Variants in CBLN2 observed in about 807,000 individuals in gnomAD.
CBLN2 encodes the protein cerebellin-2.
A neutral mutation model predicts 15.0 loss-of-function variants in CBLN2; 7 were observed. The ratio of observed to expected loss-of-function variants is 0.47; its 90% CI spans 0.27 to 0.88. The LOEUF (loss-of-function observed/expected upper bound fraction) is 0.88. CBLN2 is among the 40% of genes least tolerant of loss of function. The pLI is 0.14. For missense variants in CBLN2, 242 were observed against 304.5 expected (o/e 0.79, Z 1.53); for synonymous variants, 149 against 135.2 (o/e 1.10, Z -0.71).
chr18:72,555,447 C>T (rs564301942), intron 1 of CBLN2, among the ~76,000 whole-genome samples: 5 of 149,664 alleles, frequency 3.3e-5, no homozygotes, highest in African/African-American at 9.8e-5. Flanking sequence ...TGTGTGTGGG[C>T]GTGTGTGTGT....
intron 1 of CBLN2, among the ~76,000 whole-genome samples, chr18:72,608,391 T>C (rs560386701): frequency 2.6e-5 from 4 of 152,322 alleles, no homozygotes; most frequent in Non-Finnish European, 5.9e-5. Flanking sequence ...CTCACATCGT[T>C]GGCTTCTTTC....
chr18:72,600,827 A>T (rs2069543091), intron 1 of CBLN2, among the ~76,000 whole-genome samples: 1 of 152,174 alleles, frequency 6.6e-6, no homozygotes, highest in South Asian at 2.1e-4. Context: ...TTGGTTGGGA[A>T]TGAAATCATA....
intron 1 of CBLN2, among the ~76,000 whole-genome samples, chr18:72,629,775 T>C (rs945265285): frequency 6.6e-6 from 1 of 152,146 alleles, no homozygotes; most frequent in African/African-American, 2.4e-5. Context: ...GATGGTAACT[T>C]TATTTAAAGA....
chr18:72,548,335 TC>T (rs1035941988), upstream of CBLN2, among the ~76,000 whole-genome samples: 174 of 152,340 alleles, frequency 1.1e-3, no homozygotes, highest in African/African-American at 3.9e-3. Flanking sequence ...TTTTGTTGTT[TC>T]CAAAACTATT....
chr18:72,620,458 C>G (rs1038516074), intron 1 of CBLN2: 12 of 152,200 alleles, frequency 7.9e-5, no homozygotes, highest in African/African-American at 2.9e-4. Context: ...TCTGGCAGGA[C>G]TCTTCTTTGA....
chr18:72,631,162 T>A (rs1035474852), intron 1 of CBLN2: 3 of 152,230 alleles, frequency 2.0e-5, no homozygotes, highest in Non-Finnish European at 2.9e-5. Flanking sequence ...ATTCTTTTTT[T>A]AATGGGCATT....
At chr18:72,625,893 T>C (rs2144972839) in intron 1 of CBLN2, among the ~76,000 whole-genome samples, 1 of 148,372 alleles carries the variant, frequency 6.7e-6, no homozygotes, top group South Asian at 2.2e-4. Flanking sequence ...GCTGAAGATG[T>C]TCTTATACTA....
chr18:72,619,120 GC>G (rs2069682748), intron 1 of CBLN2: 5 of 744,184 alleles, frequency 6.7e-6, no homozygotes, highest in Non-Finnish European at 1.2e-5. Context: ...AGAAGCTCTG[GC>G]CCCTATGGTG....
chr18:72,569,694 T>C (rs4892014), intron 1 of CBLN2, among the ~76,000 whole-genome samples: 137,632 of 152,058 alleles, frequency 0.91, 62,446 homozygotes, highest in Middle Eastern at 0.97. Flanking sequence ...GAGCAGGTGC[T>C]ACACTCCTTT....
In CBLN2 at chr18:72,541,987, G is replaced by T. The variant is rs147271328; in HGVS notation, c.174C>A (p.Ile58=). 390 of 1,605,486 alleles carry T rather than the reference G, an allele frequency of 2.4e-4. 2 individuals are homozygous for T. The African/African-American group carries it at 4.7e-3, about 19-fold the overall frequency. The stretch of plus-strand genomic sequence containing the variant: ...CCACCAGGCACTTGCCCTCCAGCAC[G>T]ATGGGCTCCGTGTCGTTCTGCGCCC... ...PVRAQNDTEP[I]VLEGKCLVVC... is the part of the protein sequence containing the mutation. The change falls in exon 3 of 5, where the codon ATC becomes ATA. Residue 58 remains isoleucine (I), a synonymous_variant. Coordinates refer to ENST00000269503, the MANE Select transcript of CBLN2 (RefSeq NM_182511.4).
At chr18:72,553,511 G>T (rs1401416995) in intron 1 of CBLN2, among the ~76,000 whole-genome samples, 1 of 150,904 alleles carries the variant, frequency 6.6e-6, no homozygotes, top group Non-Finnish European at 1.5e-5. Flanking sequence ...TATGAAAACA[G>T]ATTATACGTG....
intron 2 of CBLN2, 67 bp from the exon 3 acceptor site, chr18:72,542,393 G>A: frequency 4.1e-6 from 1 of 246,146 alleles, no homozygotes; most frequent in Non-Finnish European, 7.5e-6. Flanking sequence ...GGGGGACTGG[G>A]AGCAGGTGCC....
intron 1 of CBLN2, among the ~76,000 whole-genome samples, chr18:72,601,036 G>A (rs1412108689): frequency 2.0e-5 from 3 of 152,148 alleles, no homozygotes; most frequent in Admixed American, 2.0e-4. Context: ...CACGTATCTC[G>A]TGACCTCTGT....
chr18:72,619,114 G>T (rs2069682675), intron 1 of CBLN2: 2 of 745,136 alleles, frequency 2.7e-6, no homozygotes, highest in South Asian at 1.3e-5. Context: ...GGAGGCAGAA[G>T]CTCTGGCCCC....
At chr18:72,620,422 TA>T (rs1353511758) in intron 1 of CBLN2, 5 of 152,204 alleles carry the variant, frequency 3.3e-5, no homozygotes, top group Non-Finnish European at 5.9e-5. Context: ...GATGGGCAGG[TA>T]ATCTTCCCCT....
upstream of CBLN2, among the ~76,000 whole-genome samples, chr18:72,545,770 G>A (rs1333587149): frequency 1.3e-5 from 2 of 152,188 alleles, no homozygotes; most frequent in South Asian, 4.1e-4. Flanking sequence ...CTAATTTATA[G>A]CAATACCTCT....
At chr18:72,578,301 GA>G (rs1201827102) in intron 1 of CBLN2, among the ~76,000 whole-genome samples, 1 of 152,066 alleles carries the variant, frequency 6.6e-6, no homozygotes, top group African/African-American at 2.4e-5. Context: ...TGTCTACCTG[GA>G]AATTACTCCT....
At chr18:72,546,939 G>T (rs1020388053), upstream of CBLN2, among the ~76,000 whole-genome samples, 2 of 152,084 alleles carry the variant, frequency 1.3e-5, no homozygotes, top group Non-Finnish European at 2.9e-5. Flanking sequence ...GTGCATTATA[G>T]ATTTGCTGTT....
At chr18:72,613,681 A>G (rs1372493790) in intron 1 of CBLN2, among the ~76,000 whole-genome samples, 2 of 152,196 alleles carry the variant, frequency 1.3e-5, no homozygotes, top group Non-Finnish European at 2.9e-5. Flanking sequence ...ATAGGACTTC[A>G]GCCTGCTCAG....
Sources: allele counts gnomAD v4.1 joint callset (sites outside exome capture counted in the v4.1 genomes callset), GRCh38; gene constraint gnomAD v4.1.1; transcripts MANE v1.5; gene names NCBI Gene and HGNC (gene_info 2026-07-23, HGNC 2026-07-21).